The following TMPRSS7 variants were observed in gnomAD, a reference collection of about 807,000 sequenced individuals.
TMPRSS7 encodes transmembrane protease serine 7.
Under a neutral mutation model 95.6 loss-of-function variants are expected in TMPRSS7, and 81 were observed. That is an observed-to-expected ratio of 0.85 (90% CI 0.71 to 1.02). The LOEUF is 1.02. Ranked by LOEUF, TMPRSS7 falls within the 50% of genes least tolerant of loss-of-function variation. The probability of loss-of-function intolerance (pLI) is 0.00; values close to 1 mark genes in which losing one functional copy is unlikely to be tolerated. For missense variants in TMPRSS7, 945 were observed against 955.2 expected, an observed-to-expected ratio of 0.99 and a Z score of 0.14; for synonymous variants, 364 against 337.8, an observed-to-expected ratio of 1.08 and a Z score of -0.85.
At chr3:112,068,575 T>C (rs569399192) in intron 13 of TMPRSS7, among the ~76,000 whole-genome samples, 194 of 152,312 alleles carry the variant, frequency 1.3e-3, no homozygotes, top group African/African-American at 4.5e-3. Flanking sequence ...TATTTTATTC[T>C]CTTTGTAGCA....
chr3:112,052,783 T>G (rs1244601486), intron 9 of TMPRSS7, among the ~76,000 whole-genome samples: 1 of 152,192 alleles, frequency 6.6e-6, no homozygotes, highest in Non-Finnish European at 1.5e-5. Flanking sequence ...TCCTTTGAGA[T>G]AAAATAAAGG....
exon 16 of TMPRSS7, chr3:112,076,953 G>A (rs769204543): frequency 6.2e-7 from 1 of 1,614,222 alleles, no homozygotes; most frequent in Admixed American, 1.7e-5. Flanking sequence ...TCCCCGGTGA[G>A]AAGAATTGTG....
intron 8 of TMPRSS7, 109 bp downstream of exon 8, chr3:112,050,083 A>C: frequency 9.0e-7 from 1 of 1,106,878 alleles, no homozygotes; most frequent in Non-Finnish European, 1.2e-6. Context: ...TTAGTCTGGG[A>C]CTCTGAATAA....
intron 12 of TMPRSS7, among the ~76,000 whole-genome samples, chr3:112,063,967 GA>G (rs1408511663): frequency 6.6e-6 from 1 of 152,168 alleles, no homozygotes; most frequent in Non-Finnish European, 1.5e-5. Context: ...GTGGCAAAAG[GA>G]AAAGAGGGGA....
intron 10 of TMPRSS7, among the ~76,000 whole-genome samples, chr3:112,059,819 ACAGGTTAT>A (rs1559958818): frequency 6.6e-6 from 1 of 152,200 alleles, no homozygotes; most frequent in Non-Finnish European, 1.5e-5. Context: ...CCTTAAAATC[ACAGGTTAT>A]CTGTGCTCCT....
intron 17 of TMPRSS7, 71 bp downstream of exon 17, chr3:112,078,949 T>C: frequency 6.4e-7 from 1 of 1,552,754 alleles, no homozygotes; most frequent in Non-Finnish European, 8.7e-7. Context: ...TTAATCTACA[T>C]AACACTGGGA....
At chr3:112,059,252 T>C (rs552004538) in intron 10 of TMPRSS7, among the ~76,000 whole-genome samples, 1 of 152,364 alleles carries the variant, frequency 6.6e-6, no homozygotes, top group Admixed American at 6.5e-5. Flanking sequence ...ATCTTGGTTT[T>C]ACTTACTTGC....
At chr3:112,062,718 GT>G (rs1158030940) in intron 11 of TMPRSS7, among the ~76,000 whole-genome samples, 4 of 152,070 alleles carry the variant, frequency 2.6e-5, no homozygotes, top group Non-Finnish European at 5.9e-5. Flanking sequence ...ATTTTTAATT[GT>G]TTTTTTAAAC....
chr3:112,066,104 T>G (rs1189254565), intron 12 of TMPRSS7, among the ~76,000 whole-genome samples: 2 of 152,208 alleles, frequency 1.3e-5, no homozygotes, highest in Non-Finnish European at 2.9e-5. Context: ...TCTATCTCCC[T>G]TAAAATAAAT....
chr3:112,038,025 C>G (rs936132449), intron 1 of TMPRSS7, 47 bp from the exon 2 acceptor site: 7 of 692,878 alleles, frequency 1.0e-5, no homozygotes, highest in African/African-American at 1.8e-5. Flanking sequence ...CATTTAAGAT[C>G]CTGTCTACTT....
rs61097993 is a variant in TMPRSS7, at chr3:112,051,668, C to CTATCTATCTATCTATCTATCT, written c.1203+885_1203+886insTATCTATCTATCTATCTATCT. ...TCTATCTATCTATCTATCTATCTATCATCTATCTATCTATCTATCTATCTA... is the reference window on the plus strand; with the variant it reads ...TCTATCTATCTATCTATCTATCTATCTATCTATCTATCTATCTATCTATCTATCTATCTATCTATCTATCTA... On this transcript the variant is annotated intron_variant, in intron 9 of 17. Coordinates refer to ENST00000452346, the Ensembl canonical transcript of TMPRSS7. 4.0e-3 allele frequency among the ~76,000 whole-genome samples: 511 copies of CTATCTATCTATCTATCTATCT among 128,016 alleles called. 1 individual carries two copies. The highest frequency in any genetic ancestry group is 0.015 in the Middle Eastern group (4 of 268). 84.0% of individuals were successfully genotyped at this position (128,016 alleles called of 152,430 possible). A position where few individuals can be genotyped will look rare whatever the true frequency, so the allele number is the denominator to read the frequency against.
At chr3:112,045,450 G>T (rs976065495) in intron 4 of TMPRSS7, among the ~76,000 whole-genome samples, 1 of 152,148 alleles carries the variant, frequency 6.6e-6, no homozygotes, top group Non-Finnish European at 1.5e-5. Context: ...GCCCAGCCAT[G>T]GTTTTAAATT....
At chr3:112,044,344 G>A in intron 4 of TMPRSS7, 22 bp downstream of exon 4, 1 of 1,542,698 alleles carries the variant, frequency 6.5e-7, no homozygotes, top group Non-Finnish European at 8.8e-7. Context: ...CCCTTGTTTT[G>A]AGATTTCTGT....
At chr3:112,038,768 C>T (rs975598823) in intron 2 of TMPRSS7, among the ~76,000 whole-genome samples, 1 of 152,172 alleles carries the variant, frequency 6.6e-6, no homozygotes, top group African/African-American at 2.4e-5. Flanking sequence ...AGGCGTGAAC[C>T]ATGGTGCCCG....
intron 2 of TMPRSS7, among the ~76,000 whole-genome samples, chr3:112,040,762 A>C (rs1343922142): frequency 6.6e-6 from 1 of 152,232 alleles, no homozygotes; most frequent in Non-Finnish European, 1.5e-5. Flanking sequence ...CAGTACAAGC[A>C]AAGGGAGACT....
intron 4 of TMPRSS7, among the ~76,000 whole-genome samples, chr3:112,044,934 ATT>A (rs753192329): frequency 9.5e-4 from 145 of 152,288 alleles, no homozygotes; most frequent in Non-Finnish European, 2.0e-3. Context: ...TATTTATGTC[ATT>A]AGGAGCTCAG....
exon 9 of TMPRSS7, chr3:112,050,783 G>A (rs774073101): frequency 6.4e-7 from 1 of 1,568,528 alleles, no homozygotes; most frequent in Non-Finnish European, 8.7e-7. Flanking sequence ...GGAAATTTCA[G>A]GTAGCCTAGT....
chr3:112,066,168 A>G (rs2073572638), intron 12 of TMPRSS7, among the ~76,000 whole-genome samples: 2 of 152,238 alleles, frequency 1.3e-5, no homozygotes, highest in African/African-American at 4.8e-5. Flanking sequence ...AGTTTAACGC[A>G]TTTATACAAA....
intron 9 of TMPRSS7, among the ~76,000 whole-genome samples, chr3:112,051,575 C>G (rs2073352031): frequency 6.7e-6 from 1 of 149,866 alleles, no homozygotes; most frequent in African/African-American, 2.5e-5. Context: ...ATGTATCTAT[C>G]TATCTATATC....
Sources: gnomAD v4.1 joint callset for allele counts (sites outside exome capture counted in the v4.1 genomes callset) on GRCh38, gnomAD v4.1.1 for gene constraint, MANE v1.5 for transcripts, NCBI Gene and HGNC (gene_info 2026-07-23, HGNC 2026-07-21) for gene names.